Variants in RASAL2 observed in about 807,000 individuals in gnomAD.
RASAL2 encodes the protein ras GTPase-activating protein nGAP.
Under a neutral mutation model 128.9 loss-of-function variants are expected in RASAL2, and 58 were observed. The ratio of observed to expected loss-of-function variants is 0.45; its 90% confidence interval spans 0.36 to 0.56. RASAL2 has a LOEUF of 0.56. Among genes scored for constraint, RASAL2 ranks in the 20% least tolerant of loss-of-function variants. The pLI is 0.00. For missense variants in RASAL2, 1,360 were observed against 1,601.6 expected, an observed-to-expected ratio of 0.85 and a Z score of 2.57; for synonymous variants, 561 against 580.8, an observed-to-expected ratio of 0.97 and a Z score of 0.49.
At chr1:178,155,157 T>C (rs1276938700) in intron 1 of RASAL2, among the ~76,000 whole-genome samples, 2 of 152,126 alleles carry the variant, frequency 1.3e-5, no homozygotes, top group Admixed American at 6.6e-5. Flanking sequence ...AGAGTTTGGG[T>C]ATATAATCTA....
intron 8 of RASAL2, among the ~76,000 whole-genome samples, chr1:178,444,530 C>G (rs1676866436): frequency 1.3e-5 from 2 of 152,042 alleles, no homozygotes; most frequent in Non-Finnish European, 2.9e-5. Context: ...TTGAAATATC[C>G]AATAATTATA....
chr1:178,255,683 C>T (rs947830760), intron 1 of RASAL2, among the ~76,000 whole-genome samples: 4 of 151,746 alleles, frequency 2.6e-5, no homozygotes. Context: ...AACGAGGAAA[C>T]AATAGCTTTT....
chr1:178,443,455 A>G (rs1676804465), intron 8 of RASAL2, among the ~76,000 whole-genome samples: 3 of 152,218 alleles, frequency 2.0e-5, no homozygotes, highest in Admixed American at 1.3e-4. Flanking sequence ...TGCATGAAAC[A>G]TAGATAACAC....
intron 3 of RASAL2, among the ~76,000 whole-genome samples, chr1:178,353,393 G>A (rs1277858362): frequency 6.6e-6 from 1 of 152,196 alleles, no homozygotes; most frequent in African/African-American, 2.4e-5. Context: ...AAGGCCACCA[G>A]GTTCTTTGCT....
chr1:178,388,349 A>G (rs1032564959), intron 3 of RASAL2, among the ~76,000 whole-genome samples: 6 of 152,202 alleles, frequency 3.9e-5, no homozygotes, highest in Non-Finnish European at 8.8e-5. Context: ...TGCCATTCCC[A>G]TGAATCTGAG....
At chr1:178,411,775 G>C in intron 4 of RASAL2, 1 of 785,860 alleles carries the variant, frequency 1.3e-6, no homozygotes, top group Non-Finnish European at 2.4e-6. Flanking sequence ...CTCGCCATGT[G>C]CTGCTTTTTT....
chr1:178,412,533 A>G (rs1674459479), intron 4 of RASAL2, among the ~76,000 whole-genome samples: 1 of 152,084 alleles, frequency 6.6e-6, no homozygotes, highest in African/African-American at 2.4e-5. Flanking sequence ...AGGTTTCACT[A>G]CCTCCCTGAA....
intron 1 of RASAL2, among the ~76,000 whole-genome samples, chr1:178,148,945 A>T (rs147495848): frequency 6.6e-6 from 1 of 152,172 alleles, no homozygotes; most frequent in African/African-American, 2.4e-5. Flanking sequence ...CGATCTGGAA[A>T]ACAAACGACT....
intron 1 of RASAL2, among the ~76,000 whole-genome samples, chr1:178,144,650 G>A (rs1257237936): frequency 5.9e-5 from 9 of 152,172 alleles, no homozygotes; most frequent in Admixed American, 5.9e-4. Context: ...TAAAAGAATT[G>A]TAGAGGAACT....
intron 1 of RASAL2, among the ~76,000 whole-genome samples, chr1:178,279,601 C>T (rs529417801): frequency 6.6e-6 from 1 of 152,138 alleles, no homozygotes; most frequent in African/African-American, 2.4e-5. Flanking sequence ...AGGACCCCCC[C>T]GATCTGATAG....
chr1:178,227,328 C>T (rs1256707158), intron 1 of RASAL2, among the ~76,000 whole-genome samples: 3 of 152,202 alleles, frequency 2.0e-5, no homozygotes, highest in Non-Finnish European at 4.4e-5. Context: ...ACTCCATCTT[C>T]CCTGTAAGCC....
intron 3 of RASAL2, among the ~76,000 whole-genome samples, chr1:178,370,212 G>A (rs12061686): frequency 0.055 from 8,315 of 152,246 alleles, 727 homozygotes; most frequent in African/African-American, 0.19. Context: ...ATGTAAAGGC[G>A]TGGAAGTGAG....
At chr1:178,182,318 A>G (rs1453109919) in intron 1 of RASAL2, among the ~76,000 whole-genome samples, 2 of 152,162 alleles carry the variant, frequency 1.3e-5, no homozygotes, top group African/African-American at 4.8e-5. Flanking sequence ...CTCCAGGCCC[A>G]TCTTACATAT....
chr1:178,249,592 G>A (rs1163464972), intron 1 of RASAL2, among the ~76,000 whole-genome samples: 1 of 151,966 alleles, frequency 6.6e-6, no homozygotes, highest in African/African-American at 2.4e-5. Context: ...TGCTGGACAG[G>A]AGTTGTGATC....
At chr1:178,220,175 T>A (rs1663568703) in intron 1 of RASAL2, among the ~76,000 whole-genome samples, 1 of 152,178 alleles carries the variant, frequency 6.6e-6, no homozygotes, top group Admixed American at 6.5e-5. Flanking sequence ...TGCAGATCCT[T>A]GAGCTGAACA....
At position 178,458,174 on chromosome 1, in the gene RASAL2, A is replaced by C. The variant is rs142423029; in HGVS notation, c.2882A>C (p.Asp961Ala). ...TCCAGAAGCCAAAGTAACAGTGAAG[A>C]CTTCAAGCTCAGTGGACCCAGCAAT... ...ASSRSQSNSEDFKLSGPSNSS... is the reference protein window; with the variant it reads ...ASSRSQSNSEAFKLSGPSNSS... The change falls in exon 14 of 18, where the codon GAC becomes GCC. Residue 961 changes from aspartate to alanine, a missense_variant. Around this residue, in one of 3 missense-constraint regions of RASAL2, gnomAD observed 741 missense variants for 868.6 expected, o/e 0.85. Transcript: ENST00000367649. 6 of 1,614,154 alleles carry C rather than the reference A, an allele frequency of 3.7e-6. No homozygotes were observed. Among genetic ancestry groups the C allele is most frequent in the Non-Finnish European group, 8.5e-7 (1 of 1,180,064 alleles).
chr1:178,231,252 C>T (rs893600528), intron 1 of RASAL2, among the ~76,000 whole-genome samples: 15 of 152,108 alleles, frequency 9.9e-5, no homozygotes, highest in Non-Finnish European at 1.0e-4. Context: ...TGGGCCCTCT[C>T]CTGTCCTGTT....
chr1:178,195,159 G>T (rs1354924232), intron 1 of RASAL2, among the ~76,000 whole-genome samples: 2 of 152,144 alleles, frequency 1.3e-5, no homozygotes, highest in Admixed American at 6.6e-5. Flanking sequence ...TAAATGACTT[G>T]CTCAAAGGCA....
In RASAL2 at chr1:178,188,431, G is replaced by C. The variant is rs141004057; in HGVS notation, c.202+93737G>C. ...CTTAGGGATCACAGTCCTGTGCTCT[G>C]TTGTCTAGCATCTGAAAAAAAGTTG... On this transcript the variant is annotated intron_variant, in intron 1 of 17. Coordinates refer to ENST00000367649, the MANE Select transcript of RASAL2 (RefSeq NM_170692.4). 6.2e-4 allele frequency among the ~76,000 whole-genome samples: 94 copies of C among 152,156 alleles called. No individual in the cohort carries two copies. The East Asian group carries it at 0.016, about 26-fold the overall frequency.
Sources: gnomAD v4.1 joint callset for allele counts (sites outside exome capture counted in the v4.1 genomes callset) on GRCh38, gnomAD v4.1.1 for gene constraint, gnomAD v4.1.1 regional missense constraint, MANE v1.5 for transcripts, NCBI Gene and HGNC (gene_info 2026-07-23, HGNC 2026-07-21) for gene names.